The following RABGAP1L variants were observed in gnomAD, a reference collection of about 807,000 sequenced individuals.
RABGAP1L encodes the protein rab GTPase-activating protein 1-like.
A neutral mutation model predicts 137.7 loss-of-function variants in RABGAP1L; 63 were observed. That is an observed-to-expected ratio of 0.46 (90% CI 0.37 to 0.56). The LOEUF is 0.56. RABGAP1L is among the 20% of genes least tolerant of loss of function. The probability of loss-of-function intolerance (pLI) is 0.00; values close to 1 mark genes in which losing one functional copy is unlikely to be tolerated. For missense variants in RABGAP1L, 1,095 were observed against 1,244.0 expected (o/e 0.88, Z 1.80); for synonymous variants, 431 against 433.7 (o/e 0.99, Z 0.08).
chr1:174,808,775 T>C (rs537195776), intron 18 of RABGAP1L, among the ~76,000 whole-genome samples: 1 of 152,102 alleles, frequency 6.6e-6, no homozygotes, highest in African/African-American at 2.4e-5. Context: ...TGCCTCAGCC[T>C]CCCAAGTAGC....
intron 1 of RABGAP1L, among the ~76,000 whole-genome samples, chr1:174,174,936 A>G (rs765124551): frequency 7.9e-5 from 12 of 152,220 alleles, no homozygotes; most frequent in Non-Finnish European, 1.5e-4. Flanking sequence ...TTTACTAGCT[A>G]TCTGGGTATC....
intron 13 of RABGAP1L, among the ~76,000 whole-genome samples, chr1:174,402,449 A>G (rs529703077): frequency 5.9e-5 from 9 of 152,300 alleles, no homozygotes; most frequent in African/African-American, 2.2e-4. Context: ...CTATCAGGAA[A>G]CACATATAAA....
intron 14 of RABGAP1L, among the ~76,000 whole-genome samples, chr1:174,647,222 T>G (rs901525134): frequency 3.3e-5 from 5 of 152,160 alleles, no homozygotes; most frequent in Admixed American, 1.3e-4. Context: ...CTGATTTCCC[T>G]GGCCAGAACT....
At chr1:174,734,484 C>G (rs147480206) in intron 17 of RABGAP1L, among the ~76,000 whole-genome samples, 1 of 152,016 alleles carries the variant, frequency 6.6e-6, no homozygotes, top group South Asian at 2.1e-4. Flanking sequence ...TCTAAACAGG[C>G]CTGGAGATTT....
At chr1:174,485,238 T>G (rs982992949) in intron 13 of RABGAP1L, among the ~76,000 whole-genome samples, 2 of 152,216 alleles carry the variant, frequency 1.3e-5, no homozygotes, top group Non-Finnish European at 2.9e-5. Context: ...AATAGTTTTT[T>G]GGTGGAGTCT....
intron 12 of RABGAP1L, among the ~76,000 whole-genome samples, chr1:174,386,664 C>A (rs565879333): frequency 6.6e-6 from 1 of 151,986 alleles, no homozygotes; most frequent in Non-Finnish European, 1.5e-5. Flanking sequence ...TGGGCCACCA[C>A]GCCTGGCTAA....
At chr1:174,678,114 G>A (rs1174974501) in intron 14 of RABGAP1L, among the ~76,000 whole-genome samples, 4 of 151,964 alleles carry the variant, frequency 2.6e-5, no homozygotes, top group African/African-American at 4.8e-5. Flanking sequence ...TATTATGAAC[G>A]AATTTATGTC....
chr1:174,468,898 T>C (rs116229088), intron 13 of RABGAP1L, among the ~76,000 whole-genome samples: 148 of 152,308 alleles, frequency 9.7e-4, no homozygotes, highest in African/African-American at 3.4e-3. Context: ...ATAAGTGTTA[T>C]ACTAAAAATG....
chr1:174,552,914 C>T (rs759399352), intron 13 of RABGAP1L, among the ~76,000 whole-genome samples: 2 of 152,138 alleles, frequency 1.3e-5, no homozygotes, highest in Non-Finnish European at 2.9e-5. Context: ...TAATAACAGC[C>T]ATTCTGACTG....
chr1:174,939,219 T>G (rs1665412933), intron 19 of RABGAP1L, among the ~76,000 whole-genome samples: 1 of 152,180 alleles, frequency 6.6e-6, no homozygotes, highest in Non-Finnish European at 1.5e-5. Context: ...GCAAGCTTGG[T>G]GTTCTAACTT....
At chr1:174,463,429 G>T (rs1217796753) in intron 13 of RABGAP1L, among the ~76,000 whole-genome samples, 5 of 150,056 alleles carry the variant, frequency 3.3e-5, no homozygotes, top group African/African-American at 4.9e-5. Context: ...ACCAAACACC[G>T]CATGTTCTCA....
At chr1:174,386,476 T>G (rs984587723) in intron 12 of RABGAP1L, among the ~76,000 whole-genome samples, 3 of 150,062 alleles carry the variant, frequency 2.0e-5, no homozygotes, top group African/African-American at 4.9e-5. Context: ...CAGAACAGGG[T>G]GTGTGTGTGT....
intron 11 of RABGAP1L, among the ~76,000 whole-genome samples, chr1:174,337,844 G>T (rs1681617377): frequency 6.6e-6 from 1 of 152,068 alleles, no homozygotes; most frequent in Non-Finnish European, 1.5e-5. Flanking sequence ...AAATATTTGT[G>T]TACCTGCTAT....
chr1:174,411,829 C>G (rs1465209208), intron 13 of RABGAP1L, among the ~76,000 whole-genome samples: 2 of 152,020 alleles, frequency 1.3e-5, no homozygotes, highest in Non-Finnish European at 2.9e-5. Context: ...TATTTGTATT[C>G]CACTGTGGTC....
intron 19 of RABGAP1L, among the ~76,000 whole-genome samples, chr1:174,953,661 G>C (rs910063170): frequency 1.3e-5 from 2 of 152,202 alleles, no homozygotes; most frequent in Admixed American, 6.5e-5. Flanking sequence ...ATTTTGTGCA[G>C]TGTCCTTCAA....
At chr1:174,278,220 T>C (rs559433135) in intron 9 of RABGAP1L, among the ~76,000 whole-genome samples, 128 of 152,144 alleles carry the variant, frequency 8.4e-4, no homozygotes, top group Middle Eastern at 6.8e-3. Context: ...CTGGCCAACA[T>C]GGTGAAACCC....
chr1:174,400,815 G>A (rs568506422), intron 13 of RABGAP1L, among the ~76,000 whole-genome samples: 2 of 152,164 alleles, frequency 1.3e-5, no homozygotes, highest in East Asian at 3.9e-4. Context: ...TCAATGATTG[G>A]CCTGCCATGG....
chr1:174,524,664 AT>A lies in RABGAP1L; in HGVS notation c.1711-112706del, dbSNP rs1663720333. On this transcript the variant is annotated intron_variant, in intron 13 of 25. Transcript: ENST00000681986. The stretch of plus-strand genomic sequence containing the variant: ...TTAGTTTAATATAGTCCCCTTGTTT[AT>A]TTTTGTTTTAGTTTTTTGTGCTTTT... Among the ~76,000 whole-genome samples the A allele has an allele frequency of 2.0e-5, 3 of 151,890 alleles. No homozygotes were observed. The South Asian group carries it at 6.2e-4, about 31-fold the overall frequency.
chr1:174,365,026 C>G (rs1684491447), intron 11 of RABGAP1L, among the ~76,000 whole-genome samples: 1 of 152,192 alleles, frequency 6.6e-6, no homozygotes, highest in South Asian at 2.1e-4. Flanking sequence ...CCTCTTTACT[C>G]TTTGCTGTCC....
Sources: gnomAD v4.1 joint callset for allele counts (sites outside exome capture counted in the v4.1 genomes callset) on GRCh38, gnomAD v4.1.1 for gene constraint, MANE v1.5 for transcripts, NCBI Gene and HGNC (gene_info 2026-07-23, HGNC 2026-07-21) for gene names.